TMIGD3: variants seen among roughly 807,000 people sequenced by gnomAD.
TMIGD3 encodes the protein transmembrane and immunoglobulin domain containing 3, also known as AD026 protein (AD026).
A neutral mutation model predicts 28.1 loss-of-function variants in TMIGD3; 21 were observed. The observed-to-expected ratio is 0.75, with a 90% CI of 0.53 to 1.08. TMIGD3 has a LOEUF of 1.08. Ranked by LOEUF, TMIGD3 falls within the 50% of genes least tolerant of loss-of-function variation. The probability of loss-of-function intolerance (pLI) is 0.00; values close to 1 mark genes in which losing one functional copy is unlikely to be tolerated. For missense variants in TMIGD3, 416 were observed against 435.6 expected, an observed-to-expected ratio of 0.96 and a Z score of 0.40; for synonymous variants, 151 against 162.1, an observed-to-expected ratio of 0.93 and a Z score of 0.52.
chr1:111,537,124 T>A (rs570803626), intron 1 of TMIGD3, among the ~76,000 whole-genome samples: 24 of 152,220 alleles, frequency 1.6e-4, no homozygotes, highest in Non-Finnish European at 1.0e-4. Flanking sequence ...ACTGCACTCA[T>A]CCTTCAAGGC....
At chr1:111,490,502 C>T in intron 2 of TMIGD3, 154 bp downstream of exon 2, 3 of 612,224 alleles carry the variant, frequency 4.9e-6, no homozygotes, top group Non-Finnish European at 8.7e-6. Flanking sequence ...CTAATATGGA[C>T]AAGACCTATT....
chr1:111,541,352 T>G (rs1022634995), intron 1 of TMIGD3, among the ~76,000 whole-genome samples: 1 of 152,250 alleles, frequency 6.6e-6, no homozygotes, highest in Non-Finnish European at 1.5e-5. Flanking sequence ...GGGCTTTACA[T>G]TCTTAGCTCA....
intron 1 of TMIGD3, among the ~76,000 whole-genome samples, chr1:111,559,776 A>C (rs146531612): frequency 6.6e-6 from 1 of 152,358 alleles, no homozygotes; most frequent in East Asian, 1.9e-4. Flanking sequence ...ATTGGCTAAA[A>C]GCCATAACAT....
chr1:111,490,520 C>T, intron 2 of TMIGD3, 136 bp downstream of exon 2: 3 of 632,746 alleles, frequency 4.7e-6, no homozygotes, highest in Non-Finnish European at 8.4e-6. Flanking sequence ...ATTTTCATCG[C>T]CTTTTATTTT....
intron 1 of TMIGD3, among the ~76,000 whole-genome samples, chr1:111,543,414 G>A (rs527428566): frequency 2.6e-5 from 4 of 152,210 alleles, no homozygotes; most frequent in South Asian, 4.2e-4. Flanking sequence ...ACCATCTCCC[G>A]TCTATTCGCC....
At chr1:111,511,996 T>G (rs1456113241) in intron 1 of TMIGD3, among the ~76,000 whole-genome samples, 1 of 141,464 alleles carries the variant, frequency 7.1e-6, no homozygotes, top group Non-Finnish European at 1.5e-5. Context: ...GAGTAGCCAG[T>G]TCAGGGTCAA....
Position 111,486,616 on chromosome 1 carries a change from G to A in TMIGD3, c.842C>T (p.Pro281Leu), listed in dbSNP as rs1482898980. The A allele has an allele frequency of 3.7e-6, 6 of 1,613,836 alleles. No individual in the cohort carries two copies. Among genetic ancestry groups the A allele is most frequent in the Non-Finnish European group, 5.1e-6 (6 of 1,179,970 alleles). ...GCGGTCAGCCTTGCGGACAACTTTG[G>A]GAGCCTTGCAGCTTCTGGTTTTGTT... Reference protein sequence around the residue: ...SGNKTRSCKAPKVVRKADRSR... With the variant: ...SGNKTRSCKALKVVRKADRSR... Residue 281 changes from proline to leucine, a missense_variant, in exon 4 of 6, where the codon CCC becomes CTC. By Grantham distance (98) the Pro-to-Leu change is moderately conservative (BLOSUM62 -3). Transcript: ENST00000369716.
intron 1 of TMIGD3, among the ~76,000 whole-genome samples, chr1:111,524,099 G>A (rs1656178969): frequency 1.4e-5 from 2 of 144,078 alleles, no homozygotes; most frequent in South Asian, 2.2e-4. Context: ...GCGCGATCTC[G>A]GCTCACTGCA....
intron 1 of TMIGD3, among the ~76,000 whole-genome samples, chr1:111,529,993 G>A (rs1353469189): frequency 3.8e-5 from 4 of 104,046 alleles, no homozygotes; most frequent in African/African-American, 4.0e-5. Context: ...CTGGCCGGGC[G>A]GGGCGCTGAC....
chr1:111,487,145 C>A (rs139323893), intron 3 of TMIGD3, among the ~76,000 whole-genome samples: 1 of 152,194 alleles, frequency 6.6e-6, no homozygotes, highest in Non-Finnish European at 1.5e-5. Flanking sequence ...ACCTACGATA[C>A]CCCCTCTGAT....
At chr1:111,531,214 G>A (rs977660461) in intron 1 of TMIGD3, among the ~76,000 whole-genome samples, 1 of 151,832 alleles carries the variant, frequency 6.6e-6, no homozygotes, top group Non-Finnish European at 1.5e-5. Flanking sequence ...GGAGGCAGAG[G>A]TTGCAGTAAG....
At chr1:111,562,066 A>C (rs1285493499) in intron 1 of TMIGD3, among the ~76,000 whole-genome samples, 2 of 151,958 alleles carry the variant, frequency 1.3e-5, no homozygotes, top group African/African-American at 2.4e-5. Flanking sequence ...CAGCCACCCC[A>C]CCCTGTGATT....
At chr1:111,552,476 C>T (rs1345319668) in intron 1 of TMIGD3, among the ~76,000 whole-genome samples, 1 of 152,142 alleles carries the variant, frequency 6.6e-6, no homozygotes, top group Non-Finnish European at 1.5e-5. Context: ...TCATTTTTGG[C>T]AAATTTGTAG....
chr1:111,489,164 AT>A lies in TMIGD3; in HGVS notation c.458-141del, dbSNP rs1285725175. The A allele has an allele frequency of 5.1e-6, 4 of 777,040 alleles. No homozygotes were observed. The African/African-American group carries it at 7.0e-5, about 14-fold the overall frequency. The allele number at this position is 777,040 out of a possible 1,614,324, so 48.1% of individuals were successfully genotyped here. A position where few individuals can be genotyped will look rare whatever the true frequency, so the allele number is the denominator to read the frequency against. The stretch of plus-strand genomic sequence containing the variant: ...TTTTGCCTCTTTTTGATTGGCAACT[AT>A]TATGGGCTGAACTATGTCCCCTTCA... On this transcript the variant is annotated intron_variant, in intron 2 of 5. Coordinates refer to ENST00000369716, the MANE Select transcript of TMIGD3 (RefSeq NM_020683.7).
intron 1 of TMIGD3, among the ~76,000 whole-genome samples, chr1:111,494,291 A>T (rs900588028): frequency 7.2e-5 from 11 of 152,246 alleles, no homozygotes; most frequent in Admixed American, 2.6e-4. Flanking sequence ...TCTGGATGAC[A>T]TGATGCTATA....
At chr1:111,516,513 T>G (rs955738946) in intron 1 of TMIGD3, among the ~76,000 whole-genome samples, 1 of 152,086 alleles carries the variant, frequency 6.6e-6, no homozygotes, top group African/African-American at 2.4e-5. Flanking sequence ...ACCAGGTTAG[T>G]GAACTTGAGA....
At chr1:111,506,951 A>T (rs538860316), upstream of TMIGD3, among the ~76,000 whole-genome samples, 1 of 101,232 alleles carries the variant, frequency 9.9e-6, no homozygotes, top group African/African-American at 3.5e-5. Flanking sequence ...ATATATACAC[A>T]CACATATATA....
intron 1 of TMIGD3, chr1:111,499,308 G>T: frequency 4.3e-6 from 2 of 466,550 alleles, no homozygotes; most frequent in Non-Finnish European, 5.6e-6. Flanking sequence ...GTGTTCTGGG[G>T]CTAAGAGTAA....
At chr1:111,514,940 T>C (rs1209209260) in intron 1 of TMIGD3, among the ~76,000 whole-genome samples, 1 of 152,210 alleles carries the variant, frequency 6.6e-6, no homozygotes, top group African/African-American at 2.4e-5. Flanking sequence ...ATATTGACAT[T>C]GAGCAAGGTC....
Sources: gnomAD v4.1 joint callset for allele counts (sites outside exome capture counted in the v4.1 genomes callset) on GRCh38, gnomAD v4.1.1 for gene constraint, MANE v1.5 for transcripts, NCBI Gene and HGNC (gene_info 2026-07-23, HGNC 2026-07-21) for gene names.